The following ERC1 variants were observed in gnomAD, a reference collection of about 807,000 sequenced individuals.
ERC1 encodes RAB6 interacting protein 2.
A neutral mutation model predicts 132.0 loss-of-function variants in ERC1; 56 were observed. The ratio of observed to expected loss-of-function variants is 0.42; its 90% confidence interval spans 0.34 to 0.53. The LOEUF is 0.53. Among genes scored for constraint, ERC1 ranks in the 20% least tolerant of loss-of-function variants. ERC1 has a pLI of 0.03. For missense variants in ERC1, 1,202 were observed against 1,349.9 expected (o/e 0.89, Z 1.72); for synonymous variants, 478 against 476.1 (o/e 1.00, Z -0.05).
In ERC1 at chr12:1,493,548, A is replaced by ATATATATGTAT. The variant is rs1555139791; in HGVS notation, c.*3318_*3319insTATATATGTAT. 1 of 13,618 alleles carries ATATATATGTAT rather than the reference A, an allele frequency of 7.3e-5. No individual in the cohort carries two copies. The highest frequency in any genetic ancestry group is 1.5e-4 in the Non-Finnish European group (1 of 6,820). The allele number at this position is 13,618 out of a possible 1,614,324, so 0.8% of individuals were successfully genotyped here. A position where few individuals can be genotyped will look rare whatever the true frequency, so the allele number is the denominator to read the frequency against. On this transcript the variant is annotated 3_prime_UTR_variant, in exon 19 of 19. Coordinates refer to ENST00000360905, the MANE Select transcript of ERC1 (RefSeq NM_178040.4). ...ACTCCATTTAAAAAAAAAAAAAAAA[A>ATATATATGTAT]ATATATATATATATATATATATATA...
At chr12:1,172,652 T>A (rs1953198374) in intron 8 of ERC1, among the ~76,000 whole-genome samples, 1 of 152,046 alleles carries the variant, frequency 6.6e-6, no homozygotes, top group Non-Finnish European at 1.5e-5. Context: ...TGTACAGAAA[T>A]TGAATATATG....
chr12:1,161,904 T>G (rs1169186809), intron 8 of ERC1, among the ~76,000 whole-genome samples: 1 of 152,194 alleles, frequency 6.6e-6, no homozygotes, highest in Non-Finnish European at 1.5e-5. Context: ...ATTTAAATAT[T>G]GTAATATTTA....
intron 17 of ERC1, among the ~76,000 whole-genome samples, chr12:1,422,152 G>A (rs921554718): frequency 6.6e-6 from 1 of 152,178 alleles, no homozygotes; most frequent in African/African-American, 2.4e-5. Context: ...GCTTGCAGAG[G>A]GACTATTATC....
At chr12:1,105,436 C>A (rs1460840912) in intron 4 of ERC1, among the ~76,000 whole-genome samples, 1 of 152,092 alleles carries the variant, frequency 6.6e-6, no homozygotes, top group Non-Finnish European at 1.5e-5. Context: ...TGGCTCACTG[C>A]AAGCTCCGTC....
At chr12:1,481,884 A>G (rs1267530924) in intron 18 of ERC1, among the ~76,000 whole-genome samples, 1 of 152,040 alleles carries the variant, frequency 6.6e-6, no homozygotes, top group Non-Finnish European at 1.5e-5. Context: ...GTAGGTAATA[A>G]TCACATTTCC....
At chr12:1,136,582 A>G (rs1018017267) in intron 7 of ERC1, among the ~76,000 whole-genome samples, 1 of 152,226 alleles carries the variant, frequency 6.6e-6, no homozygotes, top group South Asian at 2.1e-4. Flanking sequence ...ATATACAAAT[A>G]CCATGACTTT....
intron 17 of ERC1, among the ~76,000 whole-genome samples, chr12:1,418,229 A>G (rs991920986): frequency 6.6e-6 from 1 of 152,224 alleles, no homozygotes; most frequent in African/African-American, 2.4e-5. Flanking sequence ...ATGCTACCCC[A>G]AAATATGGCA....
intron 16 of ERC1, among the ~76,000 whole-genome samples, chr12:1,372,805 T>C (rs1276122904): frequency 6.6e-6 from 1 of 152,228 alleles, no homozygotes; most frequent in Admixed American, 6.5e-5. Flanking sequence ...CCTCAAGTAA[T>C]GAGACCGAGA....
intron 14 of ERC1, among the ~76,000 whole-genome samples, chr12:1,265,354 T>C (rs1053495786): frequency 1.3e-5 from 2 of 152,224 alleles, no homozygotes; most frequent in African/African-American, 2.4e-5. Context: ...TTATGTATTT[T>C]CCTTTTTGAG....
At chr12:1,082,642 C>T (rs1942401633) in intron 2 of ERC1, among the ~76,000 whole-genome samples, 1 of 151,822 alleles carries the variant, frequency 6.6e-6, no homozygotes, top group Non-Finnish European at 1.5e-5. Context: ...AGGCACACGC[C>T]ACCACGCCCG....
chr12:1,043,052 T>TC (rs944835835), intron 2 of ERC1, among the ~76,000 whole-genome samples: 13 of 151,180 alleles, frequency 8.6e-5, no homozygotes, highest in African/African-American at 2.7e-4. Flanking sequence ...TCTTTTCTTT[T>TC]TTTTTTTTTT....
At chr12:1,283,620 A>G (rs931865679) in intron 14 of ERC1, among the ~76,000 whole-genome samples, 4 of 152,242 alleles carry the variant, frequency 2.6e-5, no homozygotes, top group Non-Finnish European at 4.4e-5. Flanking sequence ...CTTGCCTTGA[A>G]TACTAAAATG....
rs1310430422 is a variant in ERC1, at chr12:1,454,971, G to A, written c.3213+10221G>A. 1.3e-5 allele frequency among the ~76,000 whole-genome samples: 2 copies of A among 152,290 alleles called. 1 individual carries two copies. The stretch of plus-strand genomic sequence containing the variant: ...TTAGACCATTTTTTTAGGGGCCTAA[G>A]CCCTAAAGAAGCCTTCTTTAAAGGA... On this transcript the variant is annotated intron_variant, in intron 18 of 18. Coordinates refer to ENST00000360905, the MANE Select transcript of ERC1 (RefSeq NM_178040.4).
At chr12:1,469,197 C>T (rs963300353) in intron 18 of ERC1, among the ~76,000 whole-genome samples, 1 of 152,254 alleles carries the variant, frequency 6.6e-6, no homozygotes, top group Non-Finnish European at 1.5e-5. Context: ...CAGCTCTCTT[C>T]TCCCTGTCCT....
chr12:1,356,775 T>G (rs577119679), intron 15 of ERC1, among the ~76,000 whole-genome samples: 1 of 152,214 alleles, frequency 6.6e-6, no homozygotes, highest in Non-Finnish European at 1.5e-5. Flanking sequence ...TGAGAATTTA[T>G]CTACCTGATG....
chr12:1,408,658 GT>G (rs1016237782), intron 17 of ERC1, among the ~76,000 whole-genome samples: 8 of 152,194 alleles, frequency 5.3e-5, no homozygotes, highest in African/African-American at 1.9e-4. Context: ...GGTTATTTCT[GT>G]TTAGTTGCAA....
At chr12:1,297,130 A>G (rs1002320586) in intron 15 of ERC1, among the ~76,000 whole-genome samples, 3 of 151,936 alleles carry the variant, frequency 2.0e-5, no homozygotes, top group Non-Finnish European at 2.9e-5. Context: ...ATAAAGGGAA[A>G]CTATGATAGC....
chr12:1,361,246 C>CG (rs373028837), intron 15 of ERC1, among the ~76,000 whole-genome samples: 3,105 of 97,718 alleles, frequency 0.032, 143 homozygotes, highest in African/African-American at 0.12. Context: ...CATCACACAC[C>CG]GGGGACTGTT....
At chr12:1,115,711 T>C in intron 6 of ERC1, 155 bp from the exon 7 acceptor site, 1 of 590,158 alleles carries the variant, frequency 1.7e-6, no homozygotes, top group East Asian at 3.1e-5. Flanking sequence ...GTTGGGGAGA[T>C]CCAAGGTTAT....
Sources: allele counts gnomAD v4.1 joint callset (sites outside exome capture counted in the v4.1 genomes callset), GRCh38; gene constraint gnomAD v4.1.1; transcripts MANE v1.5; gene names NCBI Gene and HGNC (gene_info 2026-07-23, HGNC 2026-07-21).